MICAL2: variants seen among roughly 807,000 people sequenced by gnomAD.
MICAL2 encodes [F-actin]-monooxygenase MICAL2.
Under a neutral mutation model 127.3 loss-of-function variants are expected in MICAL2, and 77 were observed. That is an observed-to-expected ratio of 0.60 (90% CI 0.50 to 0.73). MICAL2 has a LOEUF of 0.73. Ranked by LOEUF, MICAL2 falls within the 30% of genes least tolerant of loss-of-function variation. The pLI, the probability that MICAL2 is intolerant of heterozygous loss-of-function variation, is 0.00. For synonymous variants in MICAL2, 570 were observed against 551.1 expected (o/e 1.03, Z -0.48); for missense variants, 1,351 against 1,434.4 (o/e 0.94, Z 0.94).
downstream of MICAL2, chr11:12,294,089 G>A (rs150509319): frequency 4.2e-4 from 680 of 1,614,136 alleles, 9 homozygotes; most frequent in East Asian, 0.014. Flanking sequence ...GAATGGTAGA[G>A]GAGGCCGTGT....
At chr11:12,292,745 T>C (rs925582566), downstream of MICAL2, among the ~76,000 whole-genome samples, 5 of 152,202 alleles carry the variant, frequency 3.3e-5, no homozygotes, top group African/African-American at 1.2e-4. Context: ...GGCTGGACTC[T>C]TTCCTTCTGT....
At chr11:12,145,281 A>G (rs1416597375) in intron 2 of MICAL2, among the ~76,000 whole-genome samples, 1 of 152,204 alleles carries the variant, frequency 6.6e-6, no homozygotes, top group African/African-American at 2.4e-5. Context: ...CCCAGCATGC[A>G]CTTCAGAAAA....
chr11:12,290,800 C>T (rs1389548), downstream of MICAL2, among the ~76,000 whole-genome samples: 51,082 of 152,006 alleles, frequency 0.34, 8,942 homozygotes, highest in East Asian at 0.53. Flanking sequence ...GACACACAGT[C>T]GCACATGTTC....
chr11:12,148,232 G>A (rs4757237), intron 2 of MICAL2, among the ~76,000 whole-genome samples: 2 of 151,828 alleles, frequency 1.3e-5, no homozygotes, highest in Non-Finnish European at 2.9e-5. Context: ...TGTAGTAGGT[G>A]TTCAGTCAGC....
intron 32 of MICAL2, among the ~76,000 whole-genome samples, chr11:12,345,999 G>A (rs1938948068): frequency 1.3e-5 from 2 of 152,216 alleles, no homozygotes; most frequent in Non-Finnish European, 2.9e-5. Context: ...GGTCTGTCAT[G>A]TAAAATATAC....
intron 3 of MICAL2, among the ~76,000 whole-genome samples, chr11:12,203,073 A>G (rs1281652688): frequency 6.6e-6 from 1 of 152,162 alleles, no homozygotes. Flanking sequence ...CAGTGTTTTT[A>G]AGGTTCATTC....
intron 29 of MICAL2, among the ~76,000 whole-genome samples, chr11:12,312,893 G>A (rs956955817): frequency 6.6e-6 from 1 of 152,062 alleles, no homozygotes; most frequent in Non-Finnish European, 1.5e-5. Context: ...TCGGCCGGGC[G>A]CTGTGGCTCA....
chr11:12,307,330 A>T (rs1479519197), intron 29 of MICAL2, among the ~76,000 whole-genome samples: 1 of 152,206 alleles, frequency 6.6e-6, no homozygotes, highest in African/African-American at 2.4e-5. Context: ...ATATAAATAA[A>T]TCCTTTATCA....
chr11:12,208,993 A>G (rs540675455), intron 5 of MICAL2, among the ~76,000 whole-genome samples: 4 of 150,946 alleles, frequency 2.6e-5, no homozygotes, highest in African/African-American at 4.9e-5. Context: ...AGTGGACATT[A>G]AATCTTAATT....
At chr11:12,280,362 G>T (rs1021361349) in intron 1 of MICAL2, among the ~76,000 whole-genome samples, 4 of 152,298 alleles carry the variant, frequency 2.6e-5, no homozygotes, top group African/African-American at 9.6e-5. Flanking sequence ...GGCCCCTTCT[G>T]CTCTGAGCCA....
At chr11:12,261,468 G>A (rs949195367) in intron 26 of MICAL2, 6 of 985,318 alleles carry the variant, frequency 6.1e-6, no homozygotes, top group Non-Finnish European at 7.2e-6. Flanking sequence ...CCTACTCCAC[G>A]CTGCCTAGAC....
intron 34 of MICAL2, chr11:12,358,279 T>TC: frequency 1.2e-6 from 2 of 1,610,960 alleles, no homozygotes; most frequent in Non-Finnish European, 1.7e-6. Context: ...CCAGTGGTTT[T>TC]CTTTTTTTTC....
chr11:12,228,134 G>C (rs1857714964), intron 15 of MICAL2, among the ~76,000 whole-genome samples: 1 of 152,198 alleles, frequency 6.6e-6, no homozygotes, highest in East Asian at 1.9e-4. Context: ...TTTGAGACCA[G>C]CCTGGCCAAT....
chr11:12,183,129 G>A (rs6485556), intron 3 of MICAL2, among the ~76,000 whole-genome samples: 144,659 of 151,636 alleles, frequency 0.95, 69,304 homozygotes, highest in Non-Finnish European at 1. Flanking sequence ...GGGTGGGGGA[G>A]ATGGCTTAAT....
At chr11:12,353,184 G>A (rs1939079826) in intron 33 of MICAL2, among the ~76,000 whole-genome samples, 2 of 152,128 alleles carry the variant, frequency 1.3e-5, no homozygotes, top group Non-Finnish European at 2.9e-5. Flanking sequence ...CACCTATAGG[G>A]GTGATGTGTG....
At chr11:12,315,775 C>A (rs994081895) in intron 29 of MICAL2, among the ~76,000 whole-genome samples, 4 of 152,102 alleles carry the variant, frequency 2.6e-5, no homozygotes, top group African/African-American at 9.7e-5. Flanking sequence ...GTGTACAAGT[C>A]GCATACTCTT....
At chr11:12,335,429 T>G (rs1184295597) in intron 32 of MICAL2, among the ~76,000 whole-genome samples, 1 of 152,158 alleles carries the variant, frequency 6.6e-6, no homozygotes, top group Non-Finnish European at 1.5e-5. Context: ...TGGTAGTTTC[T>G]TTTGCTGTGC....
intron 29 of MICAL2, among the ~76,000 whole-genome samples, chr11:12,312,568 C>T (rs1340618843): frequency 1.3e-5 from 2 of 152,252 alleles, no homozygotes; most frequent in East Asian, 3.9e-4. Flanking sequence ...TGCTGAAAAT[C>T]ACCAACAAAA....
upstream of MICAL2, among the ~76,000 whole-genome samples, chr11:12,274,886 G>C (rs930366753): frequency 2.6e-5 from 4 of 152,008 alleles, no homozygotes; most frequent in Non-Finnish European, 5.9e-5. Flanking sequence ...GAGTCACCCT[G>C]GCTGCTGTGT....
Sources: allele counts gnomAD v4.1 joint callset (sites outside exome capture counted in the v4.1 genomes callset), GRCh38; gene constraint gnomAD v4.1.1; transcripts MANE v1.5; gene names NCBI Gene and HGNC (gene_info 2026-07-23, HGNC 2026-07-21).